CNTNAP2: variants seen among roughly 807,000 people sequenced by gnomAD.
The protein encoded by CNTNAP2 is contactin associated protein 2.
A neutral mutation model predicts 155.2 loss-of-function variants in CNTNAP2; 98 were observed. The observed-to-expected ratio is 0.63, with a 90% CI of 0.54 to 0.75. The LOEUF is 0.75. Ranked by LOEUF, CNTNAP2 falls within the 30% of genes least tolerant of loss-of-function variation. The pLI, the probability that CNTNAP2 is intolerant of heterozygous loss-of-function variation, is 0.00. For missense variants in CNTNAP2, 1,727 were observed against 1,688.1 expected (o/e 1.02, Z -0.40); for synonymous variants, 651 against 631.2 (o/e 1.03, Z -0.47).
At chr7:147,068,880 A>T (rs1290139590) in intron 4 of CNTNAP2, among the ~76,000 whole-genome samples, 2 of 152,168 alleles carry the variant, frequency 1.3e-5, no homozygotes, top group Non-Finnish European at 2.9e-5. Context: ...CATTGCTGTA[A>T]AGGAATACCT....
chr7:147,753,105 C>T (rs1412909357), intron 13 of CNTNAP2, among the ~76,000 whole-genome samples: 3 of 152,154 alleles, frequency 2.0e-5, no homozygotes, highest in East Asian at 1.9e-4. Context: ...ATCCATTATA[C>T]ATAGAGGTTC....
rs1798101920 is a variant in CNTNAP2, at chr7:146,550,415, T to TTTTTTTTG, written c.98-223849_98-223848insGTTTTTTT. 3.5e-4 allele frequency among the ~76,000 whole-genome samples: 41 copies of TTTTTTTTG among 115,812 alleles called. 3 individuals carry two copies. Among genetic ancestry groups the TTTTTTTTG allele is most frequent in the Non-Finnish European group, 6.4e-4 (34 of 52,782 alleles). 76.0% of individuals were successfully genotyped at this position (115,812 alleles called of 152,430 possible). On this transcript the variant is annotated intron_variant, in intron 1 of 23. Coordinates refer to ENST00000361727, the MANE Select transcript of CNTNAP2 (RefSeq NM_014141.6). ...TCCATTAATCTGTTTTTTTTTTTTTTTTTTTTTTTTTTTTATAAAGTACCC... is the reference window on the plus strand; with the variant it reads ...TCCATTAATCTGTTTTTTTTTTTTTTTTTTTTTGTTTTTTTTTTTTTTATAAAGTACCC...
chr7:147,454,635 C>A (rs1797889526), intron 10 of CNTNAP2, among the ~76,000 whole-genome samples: 2 of 151,834 alleles, frequency 1.3e-5, no homozygotes, highest in South Asian at 4.1e-4. Context: ...TTTCATCAGG[C>A]AATGCATTGA....
In CNTNAP2 at chr7:147,083,787, ATATATACATATACACATGTATGTACATAT is replaced by A. The variant is rs1288904585; in HGVS notation, c.551-24277_551-24249del. 8.6e-3 allele frequency among the ~76,000 whole-genome samples: 883 copies of A among 102,472 alleles called. 121 individuals carry two copies. Among genetic ancestry groups the A allele is most frequent in the African/African-American group, 0.022 (748 of 34,778 alleles). The allele number at this position is 102,472 out of a possible 152,430, so 67.2% of individuals were successfully genotyped here. On this transcript the variant is annotated intron_variant, in intron 4 of 23. Transcript: ENST00000361727. ...GTGTATACACATATATGTATATATTATATATACATATACACATGTATGTACATATTATATACATATACACATGTATGTAC... is the reference window on the plus strand; with the variant it reads ...GTGTATACACATATATGTATATATTATATATACATATACACATGTATGTAC...
chr7:146,867,345 T>C (rs1019103117), intron 3 of CNTNAP2, among the ~76,000 whole-genome samples: 2 of 152,146 alleles, frequency 1.3e-5, no homozygotes, highest in Non-Finnish European at 2.9e-5. Flanking sequence ...GCAAAAGACA[T>C]GATCTTGTTC....
chr7:147,229,385 C>G (rs1394409845), intron 8 of CNTNAP2, among the ~76,000 whole-genome samples: 5 of 152,174 alleles, frequency 3.3e-5, no homozygotes, highest in African/African-American at 1.2e-4. Context: ...GGCAGTTGAG[C>G]AGATGGGTGG....
intron 1 of CNTNAP2, among the ~76,000 whole-genome samples, chr7:146,551,769 G>T (rs898643526): frequency 5.3e-5 from 8 of 152,002 alleles, no homozygotes; most frequent in Non-Finnish European, 1.0e-4. Flanking sequence ...AAGCTTTTGT[G>T]GTGGGCAGCA....
At chr7:147,353,146 CATATAT>C (rs777357161) in intron 9 of CNTNAP2, among the ~76,000 whole-genome samples, 2 of 148,554 alleles carry the variant, frequency 1.3e-5, no homozygotes, top group Non-Finnish European at 3.0e-5. Context: ...CGTATATGTA[CATATAT>C]ATATGTATAT....
At chr7:146,778,668 T>A (rs571067398) in intron 2 of CNTNAP2, among the ~76,000 whole-genome samples, 1 of 152,344 alleles carries the variant, frequency 6.6e-6, no homozygotes, top group Non-Finnish European at 1.5e-5. Flanking sequence ...TACCTTACTT[T>A]TAATATAGAA....
chr7:146,508,565 G>A (rs2129134739), intron 1 of CNTNAP2, among the ~76,000 whole-genome samples: 1 of 152,282 alleles, frequency 6.6e-6, no homozygotes, highest in African/African-American at 2.4e-5. Flanking sequence ...GCTGTACATT[G>A]GTGGGAGACC....
intron 8 of CNTNAP2, among the ~76,000 whole-genome samples, chr7:147,288,615 A>C (rs747890435): frequency 2.0e-5 from 3 of 152,244 alleles, no homozygotes; most frequent in Non-Finnish European, 4.4e-5. Context: ...CAGTTATCAA[A>C]GTAACGAGAG....
At chr7:146,690,620 G>C (rs1457928613) in intron 1 of CNTNAP2, among the ~76,000 whole-genome samples, 1 of 152,124 alleles carries the variant, frequency 6.6e-6, no homozygotes, top group Non-Finnish European at 1.5e-5. Flanking sequence ...ATCTGCTCTC[G>C]ACCAGTAGAA....
chr7:147,107,729 A>T (rs1800794899), intron 4 of CNTNAP2, among the ~76,000 whole-genome samples: 1 of 152,170 alleles, frequency 6.6e-6, no homozygotes, highest in South Asian at 2.1e-4. Context: ...ATCAAAGAAA[A>T]CAACTTTTTG....
At chr7:147,375,583 A>T (rs895332479) in intron 9 of CNTNAP2, among the ~76,000 whole-genome samples, 1 of 151,988 alleles carries the variant, frequency 6.6e-6, no homozygotes, top group African/African-American at 2.4e-5. Flanking sequence ...TTTATCTTCT[A>T]TACCTTACAT....
At chr7:147,310,292 C>T (rs1407650248) in intron 9 of CNTNAP2, among the ~76,000 whole-genome samples, 1 of 152,068 alleles carries the variant, frequency 6.6e-6, no homozygotes, top group Non-Finnish European at 1.5e-5. Context: ...AGAAAAATAT[C>T]ATAAAATTTC....
At chr7:147,065,863 C>T (rs1799768826) in intron 4 of CNTNAP2, among the ~76,000 whole-genome samples, 1 of 152,158 alleles carries the variant, frequency 6.6e-6, no homozygotes, top group East Asian at 1.9e-4. Flanking sequence ...ATTTTACTTA[C>T]ATTTTAGTCA....
At chr7:147,719,273 A>C (rs1321447654) in intron 13 of CNTNAP2, among the ~76,000 whole-genome samples, 2 of 152,094 alleles carry the variant, frequency 1.3e-5, no homozygotes, top group Non-Finnish European at 2.9e-5. Context: ...CCAGGAAGGA[A>C]TGTTTTTTCT....
chr7:147,841,275 A>G (rs1313982473), intron 13 of CNTNAP2, among the ~76,000 whole-genome samples: 1 of 152,222 alleles, frequency 6.6e-6, no homozygotes, highest in Non-Finnish European at 1.5e-5. Flanking sequence ...TTACAATCTG[A>G]ATCTTTGACA....
At chr7:146,791,545 G>A (rs1802674183) in intron 2 of CNTNAP2, among the ~76,000 whole-genome samples, 1 of 152,184 alleles carries the variant, frequency 6.6e-6, no homozygotes, top group African/African-American at 2.4e-5. Context: ...TTGCAGCACT[G>A]GGAAAGAAAA....
Sources: allele counts gnomAD v4.1 joint callset (sites outside exome capture counted in the v4.1 genomes callset), GRCh38; gene constraint gnomAD v4.1.1; transcripts MANE v1.5; gene names NCBI Gene and HGNC (gene_info 2026-07-23, HGNC 2026-07-21).